The following PI4KA variants were observed in gnomAD, a reference collection of about 807,000 sequenced individuals.
The protein encoded by PI4KA is PI4-kinase alpha.
Under a neutral mutation model 271.4 loss-of-function variants are expected in PI4KA, and 122 were observed. That is an observed-to-expected ratio of 0.45 (90% CI 0.39 to 0.52). The LOEUF is 0.52. Ranked by LOEUF, PI4KA falls within the 20% of genes least tolerant of loss-of-function variation. The pLI is 0.00. For missense variants in PI4KA, 1,969 were observed against 2,769.1 expected (o/e 0.71, Z 6.48); for synonymous variants, 1,041 against 1,078.8 (o/e 0.96, Z 0.69).
chr22:20,852,195 C>T (rs1927066925), intron 1 of PI4KA, among the ~76,000 whole-genome samples: 2 of 152,200 alleles, frequency 1.3e-5, no homozygotes, highest in African/African-American at 2.4e-5. Flanking sequence ...CAACTGACGT[C>T]AATGATGGAA....
chr22:20,845,398 T>A (rs913857408), intron 1 of PI4KA, among the ~76,000 whole-genome samples: 2 of 152,220 alleles, frequency 1.3e-5, no homozygotes, highest in African/African-American at 4.8e-5. Flanking sequence ...ATGATTTTTT[T>A]AAAAGAGTAC....
rs1934219157 is a variant in PI4KA, at chr22:20,786,284, T to C, written c.2328+6909A>G. 3 of 977,898 alleles carry C rather than the reference T, an allele frequency of 3.1e-6. No homozygotes were observed. The Admixed American group carries it at 5.6e-5, about 18-fold the overall frequency. 60.6% of individuals were successfully genotyped at this position (977,898 alleles called of 1,614,324 possible). ...TGCTGAGTCTGCTCTTCGGCCTGGG[T>C]GGGATACACAGAATGCCTAGTTTCA... On this transcript the variant is annotated intron_variant, in intron 19 of 54. Coordinates refer to ENST00000255882, the MANE Select transcript of PI4KA (RefSeq NM_058004.4).
At chr22:20,811,171 C>G in intron 8 of PI4KA, 139 bp from the exon 9 acceptor site, 1 of 694,714 alleles carries the variant, frequency 1.4e-6, no homozygotes, top group South Asian at 1.6e-5. Flanking sequence ...CAAATTATGG[C>G]TATGTATCAA....
chr22:20,717,393 C>A (rs549501689), intron 45 of PI4KA, among the ~76,000 whole-genome samples: 297 of 152,394 alleles, frequency 1.9e-3, no homozygotes, highest in African/African-American at 6.6e-3. Flanking sequence ...GTGTGACCTG[C>A]TCCTGTAATG....
At chr22:20,728,339 G>C (rs1482039454) in intron 39 of PI4KA, among the ~76,000 whole-genome samples, 1 of 152,224 alleles carries the variant, frequency 6.6e-6, no homozygotes, top group Non-Finnish European at 1.5e-5. Flanking sequence ...CTGAACATTA[G>C]TGTTTTTTAA....
intron 18 of PI4KA, among the ~76,000 whole-genome samples, chr22:20,794,275 G>A (rs1004566531): frequency 6.6e-6 from 1 of 152,204 alleles, no homozygotes; most frequent in African/African-American, 2.4e-5. Context: ...TCCTCCACAA[G>A]GTGGGGCACT....
At chr22:20,838,864 G>A (rs1406383762) in intron 1 of PI4KA, 133 bp from the exon 2 acceptor site, 2 of 604,982 alleles carry the variant, frequency 3.3e-6, no homozygotes, top group African/African-American at 3.7e-5. Flanking sequence ...GATAACTTGA[G>A]TTGGGAGTTT....
intron 8 of PI4KA, among the ~76,000 whole-genome samples, chr22:20,811,303 TTC>T (rs1380881235): frequency 1.3e-5 from 2 of 152,186 alleles, no homozygotes; most frequent in African/African-American, 4.8e-5. Flanking sequence ...GACCTGAGAT[TTC>T]TGTTTCCAGG....
chr22:20,715,321 T>G (rs1213182716), intron 45 of PI4KA, among the ~76,000 whole-genome samples: 1 of 151,996 alleles, frequency 6.6e-6, no homozygotes, highest in Non-Finnish European at 1.5e-5. Context: ...TCCACCTGTC[T>G]TGGCCTCCCA....
chr22:20,835,821 G>A (rs12169564), intron 2 of PI4KA, among the ~76,000 whole-genome samples: 2 of 152,046 alleles, frequency 1.3e-5, no homozygotes, highest in African/African-American at 2.4e-5. Flanking sequence ...GGCTGAGGCA[G>A]GCGGATCACG....
intron 19 of PI4KA, among the ~76,000 whole-genome samples, chr22:20,778,298 T>G (rs1014498228): frequency 6.6e-6 from 1 of 151,970 alleles, no homozygotes; most frequent in Non-Finnish European, 1.5e-5. Context: ...GTCAGGAGTT[T>G]GAGACCAGCC....
At chr22:20,770,979 A>G (rs1256374579) in intron 19 of PI4KA, among the ~76,000 whole-genome samples, 1 of 152,184 alleles carries the variant, frequency 6.6e-6, no homozygotes, top group Non-Finnish European at 1.5e-5. Context: ...CAGACGTTCA[A>G]GACCAACTTG....
intron 19 of PI4KA, among the ~76,000 whole-genome samples, chr22:20,780,867 A>C (rs1247008876): frequency 6.6e-6 from 1 of 152,074 alleles, no homozygotes; most frequent in Non-Finnish European, 1.5e-5. Context: ...GGCCAACCCT[A>C]GCAATCTGTT....
intron 32 of PI4KA, among the ~76,000 whole-genome samples, chr22:20,735,138 TG>T (rs909468725): frequency 6.6e-6 from 1 of 150,636 alleles, no homozygotes; most frequent in Admixed American, 6.6e-5. Context: ...CCCCATTCCG[TG>T]GGGGGGCATG....
chr22:20,798,473 T>G, intron 17 of PI4KA, 111 bp downstream of exon 17: 1 of 784,920 alleles, frequency 1.3e-6, no homozygotes, highest in Non-Finnish European at 2.3e-6. Flanking sequence ...ATCTGTAGCA[T>G]ATAGTTTTCT....
intron 19 of PI4KA, among the ~76,000 whole-genome samples, chr22:20,769,602 G>A (rs112685255): frequency 4.6e-5 from 7 of 151,354 alleles, no homozygotes; most frequent in African/African-American, 1.2e-4. Flanking sequence ...CCAGGAGGCC[G>A]AGGTTGCAGT....
intron 22 of PI4KA, among the ~76,000 whole-genome samples, chr22:20,764,334 T>C (rs1932298072): frequency 6.6e-6 from 1 of 152,196 alleles, no homozygotes. Context: ...AGATCCTAAG[T>C]GTCACTACCA....
chr22:20,858,778 C>A lies in PI4KA; in HGVS notation c.-53G>T. The A allele has an allele frequency of 7.3e-7, 1 of 1,366,340 alleles. No individual in the cohort carries two copies. The highest frequency in any genetic ancestry group is 9.5e-7 in the Non-Finnish European group (1 of 1,055,860). 84.6% of individuals were successfully genotyped at this position (1,366,340 alleles called of 1,614,324 possible). A position where few individuals can be genotyped will look rare whatever the true frequency, so the allele number is the denominator to read the frequency against. ...CGGCTCCCCGCTCCTGGCCCGCGAG[C>A]GCCCGACCTCAGGGCGCAGGCGTAG... On this transcript the variant is annotated 5_prime_UTR_variant, in exon 1 of 55. Transcript: ENST00000255882.
chr22:20,756,129 T>C (rs1157365660), intron 23 of PI4KA, among the ~76,000 whole-genome samples: 1 of 151,844 alleles, frequency 6.6e-6, no homozygotes, highest in East Asian at 1.9e-4. Context: ...TGCTCAAGGG[T>C]AGTGAGAGGC....
Sources: allele counts gnomAD v4.1 joint callset (sites outside exome capture counted in the v4.1 genomes callset), GRCh38; gene constraint gnomAD v4.1.1; transcripts MANE v1.5; gene names NCBI Gene and HGNC (gene_info 2026-07-23, HGNC 2026-07-21).